Variants in PVT1 observed in about 807,000 individuals in gnomAD.
PVT1 encodes the protein Pvt1 oncogene.
At chr8:127,972,148 C>G (rs1190220157) in intron 3 of PVT1, among the ~76,000 whole-genome samples, 2 of 152,258 alleles carry the variant, frequency 1.3e-5, no homozygotes, top group Non-Finnish European at 2.9e-5. Context: ...GCAGCAAGAC[C>G]TTCAAGCTGC....
At chr8:128,042,734 GTTTATTTTATTTTATTTTATTTTAT>G in intron 4 of PVT1, among the ~76,000 whole-genome samples, 1 of 129,852 alleles carries the variant, frequency 7.7e-6, no homozygotes, top group Non-Finnish European at 1.6e-5. Context: ...GGACTAGGTG[GTTTATTTTATTTTATTTTATTTTAT>G]TTTATTTTAT....
In PVT1 at chr8:127,910,912, T is replaced by TGTGA. The variant is rs1554596309; in HGVS notation, n.782+19915_782+19916insTGAG. Reference sequence around the variant, plus strand: ...GTGTGTTTGTGTGTGTGTGTGTGTGTGAGAGAGAGAGAGAGAGAGATTGTG... The same window carrying TGTGA: ...GTGTGTTTGTGTGTGTGTGTGTGTGTGTGAGAGAGAGAGAGAGAGAGAGATTGTG... On this transcript the variant is annotated intron_variant and non_coding_transcript_variant, in intron 3 of 10. Transcript: ENST00000651587. Among the ~76,000 whole-genome samples the TGTGA allele has an allele frequency of 8.9e-3, 1,329 of 148,924 alleles. 7 individuals carry two copies. The highest frequency in any genetic ancestry group is 0.025 in the South Asian group (116 of 4,612).
intron 3 of PVT1, among the ~76,000 whole-genome samples, chr8:127,915,828 G>T (rs1815977903): frequency 6.6e-6 from 1 of 152,230 alleles, no homozygotes; most frequent in South Asian, 2.1e-4. Flanking sequence ...TTCCTCTACA[G>T]TGGACAGGTT....
intron 3 of PVT1, among the ~76,000 whole-genome samples, chr8:127,928,003 A>T (rs1586440029): frequency 6.6e-6 from 1 of 152,206 alleles, no homozygotes; most frequent in African/African-American, 2.4e-5. Context: ...AAGCTGGTAG[A>T]GGGGCCATCT....
At chr8:127,960,644 C>A (rs768018972) in intron 3 of PVT1, 1 of 525,114 alleles carries the variant, frequency 1.9e-6, no homozygotes, top group Non-Finnish European at 3.9e-6. Context: ...AAGGCCTCTG[C>A]AGGGTTTGCT....
chr8:127,913,485 C>T (rs183165235), intron 3 of PVT1, among the ~76,000 whole-genome samples: 278 of 152,280 alleles, frequency 1.8e-3, no homozygotes, highest in Middle Eastern at 6.8e-3. Context: ...TGCTGAAGAA[C>T]GTGTTTCCAT....
chr8:128,037,056 C>T (rs1015326138), intron 4 of PVT1, among the ~76,000 whole-genome samples: 5 of 152,190 alleles, frequency 3.3e-5, no homozygotes, highest in African/African-American at 1.2e-4. Context: ...TCCTCCTGAC[C>T]AGTCAGCCAC....
intron 4 of PVT1, among the ~76,000 whole-genome samples, chr8:128,011,349 G>A (rs182472765): frequency 6.6e-6 from 1 of 152,170 alleles, no homozygotes; most frequent in South Asian, 2.1e-4. Context: ...GTATTAAGAA[G>A]TGGACCTTTG....
intron 3 of PVT1, among the ~76,000 whole-genome samples, chr8:127,959,266 A>G (rs775858035): frequency 6.6e-6 from 1 of 152,118 alleles, no homozygotes; most frequent in Non-Finnish European, 1.5e-5. Context: ...GGTATTCTAA[A>G]TATTCTACAC....
intron 2 of PVT1, among the ~76,000 whole-genome samples, chr8:127,863,741 A>G (rs1815254762): frequency 1.3e-5 from 2 of 152,210 alleles, no homozygotes; most frequent in Non-Finnish European, 2.9e-5. Flanking sequence ...CTTGGAAGCC[A>G]AAGCCCAGAG....
intron 4 of PVT1, among the ~76,000 whole-genome samples, chr8:128,021,027 C>T (rs1293016012): frequency 2.0e-5 from 3 of 152,154 alleles, no homozygotes; most frequent in Admixed American, 6.5e-5. Context: ...CCTTGGCTTC[C>T]TATTTCAGAC....
intron 5 of PVT1, among the ~76,000 whole-genome samples, chr8:128,096,141 G>A (rs1814426538): frequency 6.6e-6 from 1 of 152,258 alleles, no homozygotes; most frequent in South Asian, 2.1e-4. Flanking sequence ...TGGGGTTCAG[G>A]AAGGAGTCCA....
At chr8:127,965,751 A>G (rs572225721) in intron 3 of PVT1, among the ~76,000 whole-genome samples, 8 of 152,172 alleles carry the variant, frequency 5.3e-5, no homozygotes, top group Non-Finnish European at 2.9e-5. Flanking sequence ...ACATCTAGGA[A>G]CTAACAGAGT....
chr8:127,938,812 G>A (rs1816309721), intron 3 of PVT1, among the ~76,000 whole-genome samples: 1 of 152,156 alleles, frequency 6.6e-6, no homozygotes, highest in African/African-American at 2.4e-5. Context: ...CAGGCGAGTG[G>A]GTCTCGTTCG....
intron 2 of PVT1, among the ~76,000 whole-genome samples, chr8:127,875,345 CTG>C: frequency 7.5e-6 from 1 of 133,902 alleles, no homozygotes; most frequent in Non-Finnish European, 1.6e-5. Flanking sequence ...GTCTCTGACT[CTG>C]TCTGTCTCTG....
chr8:127,888,458 C>T (rs912043661), intron 2 of PVT1, among the ~76,000 whole-genome samples: 19 of 152,186 alleles, frequency 1.2e-4, no homozygotes, highest in African/African-American at 4.6e-4. Flanking sequence ...TAACGTCCCC[C>T]TAAATGTCCA....
intron 2 of PVT1, among the ~76,000 whole-genome samples, chr8:127,812,129 A>G (rs1262169672): frequency 1.3e-5 from 2 of 149,522 alleles, no homozygotes; most frequent in Non-Finnish European, 3.0e-5. Context: ...AAAGGAAAAG[A>G]AAAGAAAAGA....
At chr8:127,903,893 G>A (rs984637498) in intron 3 of PVT1, among the ~76,000 whole-genome samples, 2 of 152,190 alleles carry the variant, frequency 1.3e-5, no homozygotes, top group Non-Finnish European at 2.9e-5. Flanking sequence ...TCTTAGAATT[G>A]CTTTGGTCAT....
At chr8:128,053,854 C>T (rs1246477576) in intron 4 of PVT1, among the ~76,000 whole-genome samples, 1 of 152,268 alleles carries the variant, frequency 6.6e-6, no homozygotes, top group Admixed American at 6.5e-5. Context: ...CCAGGGCAGC[C>T]AGCCTGTATC....
Sources: gnomAD v4.1 joint callset for allele counts (sites outside exome capture counted in the v4.1 genomes callset) on GRCh38, gnomAD v4.1.1 for gene constraint, MANE v1.5 for transcripts, NCBI Gene and HGNC (gene_info 2026-07-23, HGNC 2026-07-21) for gene names.